The following DNAJC11 variants were observed in gnomAD, a reference collection of about 807,000 sequenced individuals.
DNAJC11 encodes the protein dnaJ homolog subfamily C member 11.
DNAJC11 carries 15 observed loss-of-function variants against 78.6 expected under a neutral mutation model. That is an observed-to-expected ratio of 0.19 (90% CI 0.13 to 0.29). The LOEUF (loss-of-function observed/expected upper bound fraction) is 0.29. DNAJC11 is among the 10% of genes least tolerant of loss of function. DNAJC11 has a pLI of 1.00. For synonymous variants in DNAJC11, 292 were observed against 272.1 expected (o/e 1.07, Z -0.72); for missense variants, 547 against 709.6 (o/e 0.77, Z 2.60).
At chr1:6,700,105 T>C (rs923338535) in intron 1 of DNAJC11, among the ~76,000 whole-genome samples, 1 of 152,200 alleles carries the variant, frequency 6.6e-6, no homozygotes, top group African/African-American at 2.4e-5. Flanking sequence ...AACTGGTCAA[T>C]TGGCCTTATG....
At chr1:6,684,226 G>A (rs1408973394) in intron 1 of DNAJC11, among the ~76,000 whole-genome samples, 3 of 151,924 alleles carry the variant, frequency 2.0e-5, no homozygotes, top group Non-Finnish European at 2.9e-5. Flanking sequence ...GACTACAGGC[G>A]CACGCCACCA....
At chr1:6,671,734 G>A (rs1418769844) in intron 3 of DNAJC11, among the ~76,000 whole-genome samples, 1 of 151,378 alleles carries the variant, frequency 6.6e-6, no homozygotes, top group African/African-American at 2.4e-5. Context: ...GGGTTTCACA[G>A]TATTAGCCAG....
chr1:6,637,527 C>CA, intron 12 of DNAJC11, 23 bp from the exon 13 acceptor site: 1 of 1,614,028 alleles, frequency 6.2e-7, no homozygotes, highest in Non-Finnish European at 8.5e-7. Context: ...AAGGATGACA[C>CA]AGTCAGGGCC....
At position 6,635,450 on chromosome 1, in the gene DNAJC11, G is replaced by A; in HGVS notation, c.*225C>T. 1.9e-6 allele frequency: 1 copy of A among 529,144 alleles called. No individual in the cohort carries two copies. The highest frequency in any genetic ancestry group is 3.2e-5 in the Admixed American group (1 of 31,214). The allele number at this position is 529,144 out of a possible 1,614,324, so 32.8% of individuals were successfully genotyped here. On this transcript the variant is annotated 3_prime_UTR_variant, in exon 16 of 16. Coordinates refer to ENST00000377577, the MANE Select transcript of DNAJC11 (RefSeq NM_018198.4). ...CTGATCCTTGGGAAAACAGCCATGGGCCAGGCTGCAGTCTGGTTCCCAGTG... is the reference window on the plus strand; with the variant it reads ...CTGATCCTTGGGAAAACAGCCATGGACCAGGCTGCAGTCTGGTTCCCAGTG...
rs939934883 is a variant in DNAJC11 at position 6,645,633 on chromosome 1, C to T, written c.894+156G>A. Among the ~76,000 whole-genome samples, 1 of 152,232 alleles carries T rather than the reference C, an allele frequency of 6.6e-6. No homozygotes were observed. Among genetic ancestry groups the T allele is most frequent in the Non-Finnish European group, 1.5e-5 (1 of 68,034 alleles). On this transcript the variant is annotated intron_variant, in intron 8 of 15. Transcript: ENST00000377577. The surrounding 1 kb of genome is among the most constrained non-coding windows in gnomAD (Gnocchi z 4.1). ...CATACTCGAAGGTTCCACCAGGTCACTCGAGTGTGAGCACCGAGAGCCTGC... is the reference window on the plus strand; with the variant it reads ...CATACTCGAAGGTTCCACCAGGTCATTCGAGTGTGAGCACCGAGAGCCTGC...
At position 6,701,443 on chromosome 1, in the gene DNAJC11, T is replaced by A. The variant is rs375022885; in HGVS notation, c.72+286A>T. ...ACGGTGGCCTCCTCGGGGCCCCCGTTTCCTCTTGAGCGTGCGGGGGCCTCT... is the reference window on the plus strand; with the variant it reads ...ACGGTGGCCTCCTCGGGGCCCCCGTATCCTCTTGAGCGTGCGGGGGCCTCT... On this transcript the variant is annotated intron_variant, in intron 1 of 15. Coordinates refer to ENST00000377577, the MANE Select transcript of DNAJC11 (RefSeq NM_018198.4). Among the ~76,000 whole-genome samples, 37 of 152,250 alleles carry A rather than the reference T, an allele frequency of 2.4e-4. No individual in the cohort carries two copies. In the East Asian group the frequency reaches 6.6e-3, roughly 27 times the overall value.
intron 1 of DNAJC11, among the ~76,000 whole-genome samples, chr1:6,701,234 A>G (rs1037894412): frequency 3.3e-5 from 5 of 152,184 alleles, no homozygotes; most frequent in Non-Finnish European, 5.9e-5. Flanking sequence ...TCAGAGGCAG[A>G]GCGTCCCCAC....
At chr1:6,689,558 C>T (rs1013024147) in intron 1 of DNAJC11, among the ~76,000 whole-genome samples, 13 of 152,104 alleles carry the variant, frequency 8.5e-5, no homozygotes, top group African/African-American at 2.7e-4. Context: ...GATGCTGAGG[C>T]GAGCAGATCA....
intron 1 of DNAJC11, among the ~76,000 whole-genome samples, chr1:6,698,442 CA>C (rs1345903138): frequency 6.6e-6 from 1 of 152,122 alleles, no homozygotes. Flanking sequence ...ACATCACCTT[CA>C]GAGCTTCTAA....
chr1:6,644,698 T>C (rs1370202655), intron 9 of DNAJC11, 24 bp from the exon 10 acceptor site: 6 of 1,593,334 alleles, frequency 3.8e-6, no homozygotes, highest in Non-Finnish European at 4.3e-6. Context: ...ACGCGGTCTG[T>C]GCCTGTGCCC....
Position 6,677,158 on chromosome 1 carries a change from C to CAAA in DNAJC11, c.276+1233_276+1235dup, listed in dbSNP as rs1181692411. Among the ~76,000 whole-genome samples the CAAA allele has an allele frequency of 3.8e-3, 188 of 49,236 alleles. 18 individuals carry two copies. The highest frequency in any genetic ancestry group is 7.4e-3 in the South Asian group (10 of 1,346). The allele number at this position is 49,236 out of a possible 152,430, so 32.3% of individuals were successfully genotyped here. A position where few individuals can be genotyped will look rare whatever the true frequency, so the allele number is the denominator to read the frequency against. The stretch of plus-strand genomic sequence containing the variant: ...GGGCAACAAGAGCAAAACTTGGTCT[C>CAAA]AAAAAAAAAAAAAAAACAAAAAAAA... On this transcript the variant is annotated intron_variant, in intron 3 of 15. Coordinates refer to ENST00000377577, the MANE Select transcript of DNAJC11 (RefSeq NM_018198.4).
intron 12 of DNAJC11, chr1:6,637,728 C>T (rs1440146114): frequency 4.7e-5 from 28 of 597,354 alleles, no homozygotes; most frequent in South Asian, 2.4e-4. Context: ...GCACCTGAAA[C>T]GGCATGACCC....
At position 6,645,889 on chromosome 1, in the gene DNAJC11, T is replaced by A. The variant is rs771263395; in HGVS notation, c.794A>T (p.Asn265Ile). The A allele has an allele frequency of 1.1e-5, 17 of 1,614,166 alleles. No homozygotes were observed. The highest frequency in any genetic ancestry group is 1.4e-5 in the Non-Finnish European group (17 of 1,180,030). Residue 265 changes from asparagine (N) to isoleucine (I), a missense_variant, in exon 8 of 16, where the codon AAC becomes ATC. Coordinates refer to ENST00000377577, the MANE Select transcript of DNAJC11 (RefSeq NM_018198.4). This position sits in a 1 kb window ranked among gnomAD's most constrained non-coding sequence, Gnocchi z 4.1. ...TTVLARNLDKNTVGYLQWRWG... is the reference protein window; with the variant it reads ...TTVLARNLDKITVGYLQWRWG... ...TCGCCACTGCAGGTAGCCCACGGTG[T>A]TCTTGTCTAGGTTCCGAGCTAGGAC...
intron 2 of DNAJC11, among the ~76,000 whole-genome samples, chr1:6,679,054 C>T (rs1190957260): frequency 6.6e-6 from 1 of 152,156 alleles, no homozygotes; most frequent in African/African-American, 2.4e-5. Context: ...ACAAGGTGCA[C>T]CATGCAGGAA....
rs544908182 is a variant in DNAJC11 at position 6,656,278 on chromosome 1, T to A, written c.379-2239A>T. Among the ~76,000 whole-genome samples, 13 of 152,206 alleles carry A rather than the reference T, an allele frequency of 8.5e-5. No individual in the cohort carries two copies. In the South Asian group the frequency reaches 2.5e-3, roughly 29 times the overall value. ...GGCATTTTGGAGTATCTTTATTTTGTGTAGGAATCTTGGTGGAGCTGTCAT... is the reference window on the plus strand; with the variant it reads ...GGCATTTTGGAGTATCTTTATTTTGAGTAGGAATCTTGGTGGAGCTGTCAT... On this transcript the variant is annotated intron_variant, in intron 4 of 15. Transcript: ENST00000377577.
Position 6,653,678 on chromosome 1 carries a change from C to T in DNAJC11, c.507+233G>A. On this transcript the variant is annotated intron_variant, in intron 5 of 15. Transcript: ENST00000377577. The surrounding 1 kb of genome is among the most constrained non-coding windows in gnomAD (Gnocchi z 4.5). The stretch of plus-strand genomic sequence containing the variant: ...CATTAACACCCTCTGCTGGAAAGGC[C>T]CAAGACCTTGGGAGCCAAGTGCCCC... 1 of 433,384 alleles carries T rather than the reference C, an allele frequency of 2.3e-6. No individual in the cohort carries two copies. 26.8% of individuals were successfully genotyped at this position (433,384 alleles called of 1,614,324 possible).
rs149865979 is a variant in DNAJC11, at chr1:6,649,042, G to A, written c.704+2487C>T. Among the ~76,000 whole-genome samples the A allele has an allele frequency of 2.6e-3, 388 of 152,076 alleles. 2 individuals carry two copies. The highest frequency in any genetic ancestry group is 8.9e-3 in the African/African-American group (370 of 41,474). On this transcript the variant is annotated intron_variant, in intron 7 of 15. Transcript: ENST00000377577. ...CAGTCTTGCTCTGTCGCCTAGGCTG[G>A]GGTACAGTGGTGCAATCTCAGCTCA...
intron 1 of DNAJC11, among the ~76,000 whole-genome samples, chr1:6,690,989 T>C (rs1379887475): frequency 1.3e-5 from 2 of 152,040 alleles, no homozygotes; most frequent in Non-Finnish European, 2.9e-5. Context: ...AAATCACAAA[T>C]GAGTCAGAAA....
rs1221199306 is a variant in DNAJC11, at chr1:6,652,964, T to C, written c.508-13A>G. 1.9e-6 allele frequency: 3 copies of C among 1,613,840 alleles called. No homozygotes were observed. The highest frequency in any genetic ancestry group is 8.5e-7 in the Non-Finnish European group (1 of 1,179,948). On this transcript the variant is annotated splice_polypyrimidine_tract_variant and intron_variant, in intron 5 of 15. Transcript: ENST00000377577. ...CTGTCAAGGGTGCCTAAAAATGGTA[T>C]TTGCTGGTAATGAATGAATCAAAAC...
Sources: allele counts gnomAD v4.1 joint callset (sites outside exome capture counted in the v4.1 genomes callset), GRCh38; gene constraint gnomAD v4.1.1; non-coding constraint Gnocchi (gnomAD v3.1); transcripts MANE v1.5; gene names NCBI Gene and HGNC (gene_info 2026-07-23, HGNC 2026-07-21).